Variants in ZBTB42 observed in about 807,000 individuals in gnomAD.
The protein encoded by ZBTB42 is zinc finger and BTB domain-containing protein 42.
In ZBTB42, 3 loss-of-function variants were observed where a neutral mutation model predicts 4.7. That is an observed-to-expected ratio of 0.64 (90% CI 0.29 to 1.66). The LOEUF (loss-of-function observed/expected upper bound fraction) is 1.66, where lower values mean the gene tolerates loss of function less well. Among genes scored for constraint, ZBTB42 ranks in the 40% most tolerant of loss-of-function variants. ZBTB42 has a pLI of 0.10. For synonymous variants in ZBTB42, 255 were observed against 259.5 expected, an observed-to-expected ratio of 0.98 and a Z score of 0.17; for missense variants, 521 against 577.1, an observed-to-expected ratio of 0.90 and a Z score of 1.00.
Position 104,801,808 on chromosome 14 carries a change from C to G in ZBTB42, c.611C>G (p.Pro204Arg), listed in dbSNP as rs749586716. ...SGPRQERVHP[P>R]CVLQTPLCSQ... ...CCAAGGCAGGAGCGGGTCCACCCAC[C>G]GTGCGTCCTCCAGACACCCCTCTGC... The change falls in exon 1 of 1, where the codon CCG becomes CGG. Residue 204 changes from proline (P) to arginine (R), a missense_variant. Pro to Arg is a moderately radical substitution (Grantham distance 103, BLOSUM62 -2). Coordinates refer to ENST00000342537, the MANE Select transcript of ZBTB42 (RefSeq NM_001137601.3). This position sits in a 1 kb window ranked among gnomAD's most constrained non-coding sequence, Gnocchi z 4.4. 10 of 1,549,922 alleles carry G rather than the reference C, an allele frequency of 6.5e-6. No individual in the cohort carries two copies. Among genetic ancestry groups the G allele is most frequent in the Middle Eastern group, 1.7e-4 (1 of 6,010 alleles).
In ZBTB42 at chr14:104,804,636, T is replaced by C. The variant is rs1156840692; in HGVS notation, c.*2170T>C. 2 of 166,776 alleles carry C rather than the reference T, an allele frequency of 1.2e-5. No homozygotes were observed. The highest frequency in any genetic ancestry group is 2.9e-5 in the Non-Finnish European group (2 of 68,114). 10.3% of individuals were successfully genotyped at this position (166,776 alleles called of 1,614,324 possible). A position where few individuals can be genotyped will look rare whatever the true frequency, so the allele number is the denominator to read the frequency against. Reference sequence around the variant, plus strand: ...CAGACAGTTGTTGGTGCACAGTGTCTAGGAGGCGTGGGAATGGGTGCTGTC... The same window carrying C: ...CAGACAGTTGTTGGTGCACAGTGTCCAGGAGGCGTGGGAATGGGTGCTGTC... On this transcript the variant is annotated 3_prime_UTR_variant, in exon 1 of 1. Transcript: ENST00000342537.
rs548060713 is a variant in ZBTB42 at position 104,802,087 on chromosome 14, C to A, written c.890C>A (p.Pro297Gln). The stretch of plus-strand genomic sequence containing the variant: ...CCTGGTGGGCCCCTCTGCATCTGCC[C>A]GTTGTGCAGCAAGCTGTTTCCCAGC... ...LGPGGPLCIC[P>Q]LCSKLFPSSH... The change falls in exon 1 of 1, where the codon CCG becomes CAG. Residue 297 changes from proline (P) to glutamine (Q), a missense_variant. Transcript: ENST00000342537. The surrounding 1 kb of genome is among the most constrained non-coding windows in gnomAD (Gnocchi z 5.9). The A allele has an allele frequency of 5.3e-6, 8 of 1,516,024 alleles. No individual in the cohort carries two copies. Among genetic ancestry groups the A allele is most frequent in the Non-Finnish European group, 7.1e-6 (8 of 1,132,126 alleles). 93.9% of individuals were successfully genotyped at this position (1,516,024 alleles called of 1,614,324 possible). A position where few individuals can be genotyped will look rare whatever the true frequency, so the allele number is the denominator to read the frequency against.
rs761312286 is a variant in ZBTB42 at position 104,802,173 on chromosome 14, C to T, written c.976C>T (p.Arg326Trp). The T allele has an allele frequency of 5.4e-5, 83 of 1,548,662 alleles. No individual in the cohort carries two copies. The highest frequency in any genetic ancestry group is 6.7e-5 in the Non-Finnish European group (77 of 1,146,792). Residue 326 changes from arginine (R) to tryptophan (W), a missense_variant, in exon 1 of 1, where the codon CGG (arginine) becomes TGG (tryptophan). By Grantham distance (101) the Arg-to-Trp change is moderately radical (BLOSUM62 -3). Coordinates refer to ENST00000342537, the MANE Select transcript of ZBTB42 (RefSeq NM_001137601.3). The surrounding 1 kb of genome is among the most constrained non-coding windows in gnomAD (Gnocchi z 5.9). The stretch of plus-strand genomic sequence containing the variant: ...CCGTGAGCGAGACAGCACCCGGGCC[C>T]GGCTCTCACCCGACGGCGTGGCACC... ...HFRERDSTRARLSPDGVAPTC... is the reference protein window; with the variant it reads ...HFRERDSTRAWLSPDGVAPTC...
Position 104,802,414 on chromosome 14 carries a change from ACCGCCACGT to A in ZBTB42, c.1222_1230del (p.His408_Arg410del). The A allele has an allele frequency of 1.3e-6, 2 of 1,550,790 alleles. No individual in the cohort carries two copies. The highest frequency in any genetic ancestry group is 1.7e-6 in the Non-Finnish European group (2 of 1,147,166). The stretch of plus-strand genomic sequence containing the variant: ...CGTTTCACGCAGTCCGGGGACCTCT[ACCGCCACGT>A]CCGCAAGTTTCACTGTGGCCTCGTC... On this transcript the variant is annotated inframe_deletion, in exon 1 of 1. Transcript: ENST00000342537. This position sits in a 1 kb window ranked among gnomAD's most constrained non-coding sequence, Gnocchi z 5.9.
chr14:104,802,348 A>G lies in ZBTB42; in HGVS notation c.1151A>G (p.His384Arg), dbSNP rs777156161. 5 of 1,550,442 alleles carry G rather than the reference A, an allele frequency of 3.2e-6. No homozygotes were observed. Among genetic ancestry groups the G allele is most frequent in the Non-Finnish European group, 4.4e-6 (5 of 1,146,988 alleles). The change falls in exon 1 of 1, where the codon CAC (histidine) becomes CGC (arginine). Residue 384 changes from histidine to arginine, a missense_variant. Transcript: ENST00000342537. The surrounding 1 kb of genome is among the most constrained non-coding windows in gnomAD (Gnocchi z 5.9). ...SHNLSRHTVVHTREKPHACRW... is the reference protein window; with the variant it reads ...SHNLSRHTVVRTREKPHACRW... Reference sequence around the variant, plus strand: ...AACCTGAGCCGGCACACCGTAGTGCACACTCGAGAGAAGCCGCATGCCTGC... The same window carrying G: ...AACCTGAGCCGGCACACCGTAGTGCGCACTCGAGAGAAGCCGCATGCCTGC...
At position 104,802,680 on chromosome 14, in the gene ZBTB42, C is replaced by T. The variant is rs913334072; in HGVS notation, c.*214C>T. ...TTCCTCCCACCTTGCCTCTCCTTTC[C>T]CCTCACTCTCCAACTCATTCCGGCC... On this transcript the variant is annotated 3_prime_UTR_variant, in exon 1 of 1. Coordinates refer to ENST00000342537, the MANE Select transcript of ZBTB42 (RefSeq NM_001137601.3). The surrounding 1 kb of genome is among the most constrained non-coding windows in gnomAD (Gnocchi z 5.9). 2 of 678,622 alleles carry T rather than the reference C, an allele frequency of 2.9e-6. No homozygotes were observed. The highest frequency in any genetic ancestry group is 3.6e-5 in the African/African-American group (2 of 54,990). The allele number at this position is 678,622 out of a possible 1,614,324, so 42.0% of individuals were successfully genotyped here.
chr14:104,801,759 C>G lies in ZBTB42; in HGVS notation c.562C>G (p.Leu188Val), dbSNP rs748065989. The G allele has an allele frequency of 1.9e-6, 3 of 1,549,674 alleles. No individual in the cohort carries two copies. Among genetic ancestry groups the G allele is most frequent in the South Asian group, 1.2e-5 (1 of 83,938 alleles). The change falls in exon 1 of 1, where the codon CTG (leucine) becomes GTG (valine). Residue 188 changes from leucine (L) to valine (V), a missense_variant. Transcript: ENST00000342537. This position sits in a 1 kb window ranked among gnomAD's most constrained non-coding sequence, Gnocchi z 4.4. ...CQVPEESDQA[L>V]DLSLKSGPRQ... ...GGTCCCAGAAGAGTCAGACCAGGCC[C>G]TGGACCTGTCGTTGAAGTCTGGCCC...
chr14:104,802,838 G>C lies in ZBTB42; in HGVS notation c.*372G>C, dbSNP rs997182976. 2 of 311,702 alleles carry C rather than the reference G, an allele frequency of 6.4e-6. No individual in the cohort carries two copies. Among genetic ancestry groups the C allele is most frequent in the African/African-American group, 2.2e-5 (1 of 45,976 alleles). The allele number at this position is 311,702 out of a possible 1,614,324, so 19.3% of individuals were successfully genotyped here. A position where few individuals can be genotyped will look rare whatever the true frequency, so the allele number is the denominator to read the frequency against. ...GTGTGAGATGGCACATCCATCTCCC[G>C]GCCCGGGACTTTCCTGACCACCTCT... On this transcript the variant is annotated 3_prime_UTR_variant, in exon 1 of 1. Coordinates refer to ENST00000342537, the MANE Select transcript of ZBTB42 (RefSeq NM_001137601.3). This position sits in a 1 kb window ranked among gnomAD's most constrained non-coding sequence, Gnocchi z 5.9.
chr14:104,802,348 A>T lies in ZBTB42; in HGVS notation c.1151A>T (p.His384Leu), dbSNP rs777156161. Residue 384 changes from histidine (H) to leucine (L), a missense_variant, in exon 1 of 1, where the codon CAC becomes CTC. Coordinates refer to ENST00000342537, the MANE Select transcript of ZBTB42 (RefSeq NM_001137601.3). This position sits in a 1 kb window ranked among gnomAD's most constrained non-coding sequence, Gnocchi z 5.9. ...AACCTGAGCCGGCACACCGTAGTGC[A>T]CACTCGAGAGAAGCCGCATGCCTGC... ...SHNLSRHTVV[H>L]TREKPHACRW... 1.9e-6 allele frequency: 3 copies of T among 1,550,442 alleles called. No individual in the cohort carries two copies. The highest frequency in any genetic ancestry group is 2.6e-6 in the Non-Finnish European group (3 of 1,146,988).
Position 104,801,196 on chromosome 14 carries a change from G to T in ZBTB42, c.-2G>T. Reference sequence around the variant, plus strand: ...TTGTGCCCAGGTGATGACGGCGGCGGCATGGAGTTCCCTGAGCACGGCGGA... The same window carrying T: ...TTGTGCCCAGGTGATGACGGCGGCGTCATGGAGTTCCCTGAGCACGGCGGA... On this transcript the variant is annotated 5_prime_UTR_variant, in exon 1 of 1. Transcript: ENST00000342537. This position sits in a 1 kb window ranked among gnomAD's most constrained non-coding sequence, Gnocchi z 4.4. The T allele has an allele frequency of 4.2e-6, 6 of 1,414,458 alleles. No individual in the cohort carries two copies. Among genetic ancestry groups the T allele is most frequent in the Non-Finnish European group, 5.5e-6 (6 of 1,088,814 alleles). 87.6% of individuals were successfully genotyped at this position (1,414,458 alleles called of 1,614,324 possible).
At position 104,801,955 on chromosome 14, in the gene ZBTB42, C is replaced by T. The variant is rs766772018; in HGVS notation, c.758C>T (p.Ala253Val). The T allele has an allele frequency of 5.2e-6, 8 of 1,526,040 alleles. No individual in the cohort carries two copies. The highest frequency in any genetic ancestry group is 1.7e-4 in the Middle Eastern group (1 of 5,916). The allele number at this position is 1,526,040 out of a possible 1,614,324, so 94.5% of individuals were successfully genotyped here. ...HSPPKPPPVP[A>V]AKGLVVGLQP... ...CCCCCGAAGCCACCTCCTGTTCCTG[C>T]AGCCAAGGGCCTGGTGGTGGGCTTG... Residue 253 changes from alanine to valine, a missense_variant, in exon 1 of 1, where the codon GCA becomes GTA. Transcript: ENST00000342537. The surrounding 1 kb of genome is among the most constrained non-coding windows in gnomAD (Gnocchi z 4.4).
In ZBTB42 at chr14:104,801,277, C is replaced by T. The variant is rs369444523; in HGVS notation, c.80C>T (p.Thr27Ile). ...GAGCTGGGCTTCCTATGCGACTGCA[C>T]CGTGCTGGTGGGCGACGCGCGCTTC... ...QRELGFLCDC[T>I]VLVGDARFPA... The change falls in exon 1 of 1, where the codon ACC becomes ATC. Residue 27 changes from threonine to isoleucine, a missense_variant. By Grantham distance (89) the Thr-to-Ile change is moderately conservative. Coordinates refer to ENST00000342537, the MANE Select transcript of ZBTB42 (RefSeq NM_001137601.3). This position sits in a 1 kb window ranked among gnomAD's most constrained non-coding sequence, Gnocchi z 4.4. The T allele has an allele frequency of 2.2e-5, 34 of 1,538,880 alleles. No homozygotes were observed. The African/African-American group carries it at 3.7e-4, about 17-fold the overall frequency.
rs1223586599 is a variant in ZBTB42 at position 104,804,069 on chromosome 14, G to C, written c.*1603G>C. On this transcript the variant is annotated 3_prime_UTR_variant, in exon 1 of 1. Transcript: ENST00000342537. The stretch of plus-strand genomic sequence containing the variant: ...TGGTCTCGAGACAGCTGGGGGAGGG[G>C]CCCTGCTTCTGATTGTCCTGGGCCC... 1 of 166,742 alleles carries C rather than the reference G, an allele frequency of 6.0e-6. No homozygotes were observed. Among genetic ancestry groups the C allele is most frequent in the Admixed American group, 6.5e-5 (1 of 15,294 alleles). The allele number at this position is 166,742 out of a possible 1,614,324, so 10.3% of individuals were successfully genotyped here. A position where few individuals can be genotyped will look rare whatever the true frequency, so the allele number is the denominator to read the frequency against.
At chr14:104,800,892 G>T, upstream of ZBTB42, 1 of 209,348 alleles carries the variant, frequency 4.8e-6, no homozygotes, top group South Asian at 1.8e-4. The surrounding 1 kb of genome is among the most constrained non-coding windows in gnomAD (Gnocchi z 5.3). Flanking sequence ...GGGACGCCGC[G>T]AGCGGGCGGC....
Position 104,804,704 on chromosome 14 carries a change from CAG to C in ZBTB42, c.*2239_*2240del, listed in dbSNP as rs896193093. 6.1e-6 allele frequency: 1 copy of C among 165,022 alleles called. No homozygotes were observed. Among genetic ancestry groups the C allele is most frequent in the African/African-American group, 2.4e-5 (1 of 41,456 alleles). 10.2% of individuals were successfully genotyped at this position (165,022 alleles called of 1,614,324 possible). On this transcript the variant is annotated 3_prime_UTR_variant, in exon 1 of 1. Transcript: ENST00000342537. ...TGGCGACAGTAATAAAGCCCACCTC[CAG>C]TGGAAACGGCAGTGACTATTCCTGA...
chr14:104,804,016 C>A lies in ZBTB42; in HGVS notation c.*1550C>A, dbSNP rs1261302323. 1 of 166,746 alleles carries A rather than the reference C, an allele frequency of 6.0e-6. No homozygotes were observed. The highest frequency in any genetic ancestry group is 1.5e-5 in the Non-Finnish European group (1 of 68,116). 10.3% of individuals were successfully genotyped at this position (166,746 alleles called of 1,614,324 possible). Reference sequence around the variant, plus strand: ...GGAGCCCAGCGCTTCTGGGTGATGCCCCAGGGCTCAGAGGCCCTGGATGGC... The same window carrying A: ...GGAGCCCAGCGCTTCTGGGTGATGCACCAGGGCTCAGAGGCCCTGGATGGC... On this transcript the variant is annotated 3_prime_UTR_variant, in exon 1 of 1. Transcript: ENST00000342537.
rs1211038568 is a variant in ZBTB42, at chr14:104,802,532, G to C, written c.*66G>C. 2.0e-6 allele frequency: 3 copies of C among 1,503,540 alleles called. No homozygotes were observed. In the African/African-American group the frequency reaches 4.2e-5, roughly 21 times the overall value. 93.1% of individuals were successfully genotyped at this position (1,503,540 alleles called of 1,614,324 possible). On this transcript the variant is annotated 3_prime_UTR_variant, in exon 1 of 1. Transcript: ENST00000342537. This position sits in a 1 kb window ranked among gnomAD's most constrained non-coding sequence, Gnocchi z 5.9. ...GATGGGCCCTCCCAGGTGGGACACA[G>C]CATGGGGTGTGAAGCCTGACCAGGT... is the stretch of plus-strand genomic sequence containing the variant.
rs1389758120 is a variant in ZBTB42 at position 104,803,308 on chromosome 14, A to G, written c.*842A>G. On this transcript the variant is annotated 3_prime_UTR_variant, in exon 1 of 1. Transcript: ENST00000342537. ...TGTCTGCTGGTGGCCGCCCAGCCAC[A>G]TGCTTGTCTGCCTGAGTGCAGGTCT... 4 of 166,926 alleles carry G rather than the reference A, an allele frequency of 2.4e-5. No homozygotes were observed. Among genetic ancestry groups the G allele is most frequent in the Non-Finnish European group, 5.9e-5 (4 of 68,174 alleles). 10.3% of individuals were successfully genotyped at this position (166,926 alleles called of 1,614,324 possible).
rs1402547453 is a variant in ZBTB42 at position 104,804,641 on chromosome 14, G to A, written c.*2175G>A. On this transcript the variant is annotated 3_prime_UTR_variant, in exon 1 of 1. Transcript: ENST00000342537. The stretch of plus-strand genomic sequence containing the variant: ...AGTTGTTGGTGCACAGTGTCTAGGA[G>A]GCGTGGGAATGGGTGCTGTCTTCCT... The A allele has an allele frequency of 6.0e-6, 1 of 166,850 alleles. No individual in the cohort carries two copies. Among genetic ancestry groups the A allele is most frequent in the Admixed American group, 6.5e-5 (1 of 15,290 alleles). The allele number at this position is 166,850 out of a possible 1,614,324, so 10.3% of individuals were successfully genotyped here.
Sources: gnomAD v4.1 joint callset for allele counts on GRCh38, gnomAD v4.1.1 for gene constraint, Gnocchi (gnomAD v3.1) non-coding constraint, MANE v1.5 for transcripts, NCBI Gene and HGNC (gene_info 2026-07-23, HGNC 2026-07-21) for gene names.